The following ANK2 variants were observed in gnomAD, a reference collection of about 807,000 sequenced individuals.
The protein encoded by ANK2 is ankyrin 2, also known as ankyrin-2.
ANK2 carries 83 observed loss-of-function variants against 360.5 expected under a neutral mutation model. The ratio of observed to expected loss-of-function variants is 0.23; its 90% CI spans 0.19 to 0.28. The LOEUF (loss-of-function observed/expected upper bound fraction) is 0.28. Ranked by LOEUF, ANK2 falls within the 10% of genes least tolerant of loss-of-function variation. The pLI is 1.00. For missense variants in ANK2, 4,201 were observed against 4,795.7 expected, an observed-to-expected ratio of 0.88 and a Z score of 3.66; for synonymous variants, 1,740 against 1,759.5, an observed-to-expected ratio of 0.99 and a Z score of 0.28.
intron 1 of ANK2, among the ~76,000 whole-genome samples, chr4:113,062,563 A>G (rs2073995643): frequency 6.6e-6 from 1 of 152,120 alleles, no homozygotes. Flanking sequence ...CAGAAGAGCC[A>G]TATTGTAGGT....
intron 1 of ANK2, among the ~76,000 whole-genome samples, chr4:113,164,500 G>A (rs551371036): frequency 2.6e-5 from 4 of 152,260 alleles, no homozygotes; most frequent in African/African-American, 7.2e-5. Flanking sequence ...CCCTTGGGGT[G>A]CGGTCAGCAC....
chr4:113,297,484 T>C (rs1242824248), intron 22 of ANK2, among the ~76,000 whole-genome samples: 1 of 152,150 alleles, frequency 6.6e-6, no homozygotes, highest in Non-Finnish European at 1.5e-5. Flanking sequence ...CCTGATTTGA[T>C]CATTATACTT....
At chr4:112,781,641 CTA>C in the ANK2 span, among the ~76,000 whole-genome samples, 1 of 151,662 alleles carries the variant, frequency 6.6e-6, no homozygotes, top group African/African-American at 2.4e-5. Flanking sequence ...CACACAGACT[CTA>C]TTTTTTTTAC....
At chr4:113,132,366 G>A (rs937133207) in intron 1 of ANK2, among the ~76,000 whole-genome samples, 2 of 151,984 alleles carry the variant, frequency 1.3e-5, no homozygotes, top group African/African-American at 4.8e-5. Context: ...TTACAGTATT[G>A]CAGTTTTACT....
intron 1 of ANK2, among the ~76,000 whole-genome samples, chr4:112,860,063 T>C (rs141663436): frequency 6.6e-6 from 1 of 152,326 alleles, no homozygotes; most frequent in African/African-American, 2.4e-5. Context: ...TTCATACCAT[T>C]GTGTCATTAT....
intron 24 of ANK2, among the ~76,000 whole-genome samples, chr4:113,313,324 G>A (rs2081086613): frequency 1.3e-5 from 2 of 152,120 alleles, no homozygotes; most frequent in Non-Finnish European, 2.9e-5. Flanking sequence ...TTAAGAATAA[G>A]TACTTGATTT....
chr4:112,814,450 T>G, upstream of ANK2, among the ~76,000 whole-genome samples: 1 of 151,556 alleles, frequency 6.6e-6, no homozygotes, highest in East Asian at 1.9e-4. Flanking sequence ...TGTTTGTTTG[T>G]TTGTTTGTTT....
intron 45 of ANK2, among the ~76,000 whole-genome samples, chr4:113,380,478 T>A (rs1413864209): frequency 6.6e-6 from 1 of 152,160 alleles, no homozygotes; most frequent in Non-Finnish European, 1.5e-5. Context: ...TTGGCCAACA[T>A]GACAAAACCC....
At chr4:113,243,176 A>G (rs1349830255) in intron 9 of ANK2, among the ~76,000 whole-genome samples, 1 of 152,224 alleles carries the variant, frequency 6.6e-6, no homozygotes, top group Non-Finnish European at 1.5e-5. Context: ...ATGTGCCTAT[A>G]ATACAAAAAT....
In ANK2 at chr4:113,255,913, A is replaced by G. The variant is rs766907662; in HGVS notation, c.1169A>G (p.Asn390Ser). 1 of 1,614,234 alleles carries G rather than the reference A, an allele frequency of 6.2e-7. No homozygotes were observed. Among genetic ancestry groups the G allele is most frequent in the Non-Finnish European group, 8.5e-7 (1 of 1,180,044 alleles). ...VTKLLLDKRA[N>S]PNARALNGFT... ...AAACTCCTTTTAGACAAGAGAGCCA[A>G]TCCGAACGCCAGAGCCCTGGTAAAC... is the stretch of plus-strand genomic sequence containing the variant. Residue 390 changes from asparagine (N) to serine (S), a missense_variant, in exon 11 of 46, where the codon AAT (asparagine) becomes AGT (serine). By Grantham distance (46) the Asn-to-Ser change is conservative. This residue lies in a region of ANK2 where 1,268 missense variants were observed against 1,650.8 expected (regional missense o/e 0.77). Transcript: ENST00000357077.
chr4:113,309,812 A>G (rs112052582), intron 23 of ANK2, among the ~76,000 whole-genome samples: 154 of 152,304 alleles, frequency 1.0e-3, no homozygotes, highest in African/African-American at 3.4e-3. Flanking sequence ...GAACCACTGT[A>G]CCTGGCCAAT....
the ANK2 span, among the ~76,000 whole-genome samples, chr4:112,719,610 C>T: frequency 6.6e-6 from 1 of 151,600 alleles, no homozygotes; most frequent in African/African-American, 2.4e-5. Flanking sequence ...CGCCTGTAGT[C>T]CAAGCTACTC....
intron 1 of ANK2, among the ~76,000 whole-genome samples, chr4:113,080,559 G>A (rs1281147687): frequency 6.6e-6 from 1 of 152,120 alleles, no homozygotes; most frequent in Non-Finnish European, 1.5e-5. Context: ...TAAGTACATT[G>A]TCTGGTAGAC....
chr4:112,904,498 C>T (rs969139180), exon 2 of ANK2: 4 of 1,504,832 alleles, frequency 2.7e-6, no homozygotes, highest in Non-Finnish European at 3.6e-6. Flanking sequence ...TTTCAAATGA[C>T]CACCATGTTG....
chr4:113,074,098 T>A (rs1313871650), intron 1 of ANK2, among the ~76,000 whole-genome samples: 1 of 152,258 alleles, frequency 6.6e-6, no homozygotes, highest in Non-Finnish European at 1.5e-5. Context: ...GTGAAGGATT[T>A]GCTCTATTAT....
chr4:112,810,186 G>A, the ANK2 span, among the ~76,000 whole-genome samples: 1 of 97,770 alleles, frequency 1.0e-5, no homozygotes, highest in Non-Finnish European at 2.1e-5. Context: ...TTTTTTTGTA[G>A]CAATGGGGTT....
chr4:112,740,727 G>T, the ANK2 span, among the ~76,000 whole-genome samples: 1 of 151,688 alleles, frequency 6.6e-6, no homozygotes, highest in Non-Finnish European at 1.5e-5. Flanking sequence ...AAAAATTATT[G>T]TAGATGCCAG....
At chr4:112,756,650 G>A in the ANK2 span, among the ~76,000 whole-genome samples, 3 of 152,170 alleles carry the variant, frequency 2.0e-5, no homozygotes, top group Non-Finnish European at 4.4e-5. Flanking sequence ...ATGAACACTC[G>A]AGTAAGAGAT....
At position 113,238,152 on chromosome 4, in the gene ANK2, G is replaced by A. The variant is rs1585700231; in HGVS notation, c.693+530G>A. On this transcript the variant is annotated intron_variant, in intron 7 of 45. Transcript: ENST00000357077. ...TGTAAGTCTTAAAATACTTGTCATG[G>A]AATTGTATATTTTCCACATTCCAAA... Among the ~76,000 whole-genome samples, 5 of 152,108 alleles carry A rather than the reference G, an allele frequency of 3.3e-5. No individual in the cohort carries two copies. In the Middle Eastern group the frequency reaches 0.014, roughly 414 times the overall value.
Sources: allele counts gnomAD v4.1 joint callset (sites outside exome capture counted in the v4.1 genomes callset), GRCh38; gene constraint gnomAD v4.1.1; regional missense constraint gnomAD v4.1.1; transcripts MANE v1.5; gene names NCBI Gene and HGNC (gene_info 2026-07-23, HGNC 2026-07-21).